The following RNF11 variants were observed in gnomAD, a reference collection of about 807,000 sequenced individuals.
The protein encoded by RNF11 is ring finger protein 11.
RNF11 carries 4 observed loss-of-function variants against 15.8 expected under a neutral mutation model. That is an observed-to-expected ratio of 0.25 (90% CI 0.12 to 0.58). The LOEUF is 0.58. Among genes scored for constraint, RNF11 ranks in the 20% least tolerant of loss-of-function variants. The probability of loss-of-function intolerance (pLI) is 0.91; values close to 1 mark genes in which losing one functional copy is unlikely to be tolerated. For synonymous variants in RNF11, 68 were observed against 72.3 expected (o/e 0.94, Z 0.30); for missense variants, 139 against 194.4 (o/e 0.71, Z 1.70).
At chr1:51,257,572 C>T (rs1471875713) in intron 1 of RNF11, among the ~76,000 whole-genome samples, 1 of 152,124 alleles carries the variant, frequency 6.6e-6, no homozygotes, top group African/African-American at 2.4e-5. Flanking sequence ...TCTTGTGCCT[C>T]AGCCTCTCTC....
chr1:51,249,101 G>A (rs1353280396), intron 1 of RNF11, among the ~76,000 whole-genome samples: 1 of 152,192 alleles, frequency 6.6e-6, no homozygotes, highest in Non-Finnish European at 1.5e-5. Flanking sequence ...GGATTTTGGA[G>A]TCAGTCGGGT....
At chr1:51,250,391 A>C (rs1487498059) in intron 1 of RNF11, among the ~76,000 whole-genome samples, 2 of 152,218 alleles carry the variant, frequency 1.3e-5, no homozygotes, top group African/African-American at 4.8e-5. Context: ...GATCTCTGGA[A>C]TTGTAGATCT....
At chr1:51,242,965 A>G (rs986563807) in intron 1 of RNF11, among the ~76,000 whole-genome samples, 10 of 152,182 alleles carry the variant, frequency 6.6e-5, no homozygotes, top group African/African-American at 2.4e-4. Flanking sequence ...CCCCTTCTTT[A>G]TGCTCAAGAA....
chr1:51,250,152 T>C (rs867438826), intron 1 of RNF11, among the ~76,000 whole-genome samples: 3 of 152,238 alleles, frequency 2.0e-5, no homozygotes, highest in Non-Finnish European at 2.9e-5. Context: ...TGAAACTTTT[T>C]TTAGCTTTGA....
At position 51,255,644 on chromosome 1, in the gene RNF11, G is replaced by A. The variant is rs376086448; in HGVS notation, c.124-14312G>A. Among the ~76,000 whole-genome samples, 12 of 152,302 alleles carry A rather than the reference G, an allele frequency of 7.9e-5. 1 individual carries two copies. Among genetic ancestry groups the A allele is most frequent in the East Asian group, 5.8e-4 (3 of 5,192 alleles). ...GTTTGTCTATTTTTTTCTTTGGGGA[G>A]CTTTTGGTATGTTCAAGGAGGGGGT... On this transcript the variant is annotated intron_variant, in intron 1 of 2. Coordinates refer to ENST00000242719, the MANE Select transcript of RNF11 (RefSeq NM_014372.5).
chr1:51,261,848 C>T lies in RNF11; in HGVS notation c.124-8108C>T, dbSNP rs544175485. ...GACTACAGGCACCTGCCACCACGCT[C>T]AGCCTGTGATAAGATTTTTAAATAA... On this transcript the variant is annotated intron_variant, in intron 1 of 2. Coordinates refer to ENST00000242719, the MANE Select transcript of RNF11 (RefSeq NM_014372.5). Among the ~76,000 whole-genome samples the T allele has an allele frequency of 5.9e-5, 9 of 152,260 alleles. No homozygotes were observed. In the East Asian group the frequency reaches 1.4e-3, roughly 23 times the overall value.
rs139323287 is a variant in RNF11, at chr1:51,252,340, C to T, written c.123+15461C>T. On this transcript the variant is annotated intron_variant, in intron 1 of 2. Transcript: ENST00000242719. ...TTAGGCCATGCATGGGGCATATACC[C>T]GTAATCCTAGGTATATGTCTTGGGA... 2.4e-4 allele frequency among the ~76,000 whole-genome samples: 36 copies of T among 152,106 alleles called. No homozygotes were observed. In the East Asian group the frequency reaches 2.7e-3, roughly 11 times the overall value.
intron 1 of RNF11, among the ~76,000 whole-genome samples, chr1:51,249,523 A>G (rs776722289): frequency 6.6e-6 from 1 of 152,330 alleles, no homozygotes; most frequent in East Asian, 1.9e-4. Context: ...TCCAAAGGTA[A>G]CTGTTGGTCC....
At chr1:51,241,224 G>A (rs893418141) in intron 1 of RNF11, among the ~76,000 whole-genome samples, 2 of 152,156 alleles carry the variant, frequency 1.3e-5, no homozygotes, top group Non-Finnish European at 1.5e-5. Flanking sequence ...AGTAGCTAGG[G>A]TTACAGGTGC....
In RNF11 at chr1:51,251,174, G is replaced by C. The variant is rs565843878; in HGVS notation, c.123+14295G>C. 545 of 1,519,378 alleles carry C rather than the reference G, an allele frequency of 3.6e-4. 4 individuals are homozygous for C. In the African/African-American group the frequency reaches 6.7e-3, roughly 19 times the overall value. The allele number at this position is 1,519,378 out of a possible 1,614,324, so 94.1% of individuals were successfully genotyped here. On this transcript the variant is annotated intron_variant, in intron 1 of 2. Coordinates refer to ENST00000242719, the MANE Select transcript of RNF11 (RefSeq NM_014372.5). ...GCATAATCTTCAAAACCTCATCCTT[G>C]AGAGAGGCCCCCAGGAAAAAGTCAA...
intron 1 of RNF11, among the ~76,000 whole-genome samples, chr1:51,244,310 T>G (rs910284560): frequency 6.6e-6 from 1 of 152,246 alleles, no homozygotes; most frequent in Non-Finnish European, 1.5e-5. Context: ...GTGTTTGGCC[T>G]ATCACTTCTA....
At chr1:51,245,484 CT>C (rs1381347174) in intron 1 of RNF11, among the ~76,000 whole-genome samples, 6 of 151,512 alleles carry the variant, frequency 4.0e-5, no homozygotes, top group Non-Finnish European at 7.4e-5. Context: ...TGGAGTCTTA[CT>C]CCATCGCCCA....
intron 1 of RNF11, among the ~76,000 whole-genome samples, chr1:51,267,419 A>G (rs1646959318): frequency 6.6e-6 from 1 of 152,222 alleles, no homozygotes; most frequent in Admixed American, 6.5e-5. Flanking sequence ...ACTCACATCT[A>G]TGATTTGTTA....
Position 51,270,048 on chromosome 1 carries a change from A to G in RNF11, c.216A>G (p.Gln72=). ...AAGAGGAACAAATTAGGATAGCTCAAAGAATAGGTCTTATACAACATCTGC... is the reference window on the plus strand; with the variant it reads ...AAGAGGAACAAATTAGGATAGCTCAGAGAATAGGTCTTATACAACATCTGC... ...LTEEEQIRIA[Q]RIGLIQHLPK... Residue 72 remains glutamine, a synonymous_variant, in exon 2 of 3, where the codon CAA becomes CAG. Transcript: ENST00000242719. 1 of 1,613,838 alleles carries G rather than the reference A, an allele frequency of 6.2e-7. No individual in the cohort carries two copies. The highest frequency in any genetic ancestry group is 1.3e-5 in the African/African-American group (1 of 75,038).
intron 1 of RNF11, among the ~76,000 whole-genome samples, chr1:51,243,863 A>G (rs1166845842): frequency 6.6e-6 from 1 of 152,194 alleles, no homozygotes; most frequent in African/African-American, 2.4e-5. Flanking sequence ...TACAACCTGT[A>G]TACTCCAGTC....
intron 1 of RNF11, among the ~76,000 whole-genome samples, chr1:51,254,029 C>T (rs1322252382): frequency 6.6e-6 from 1 of 151,606 alleles, no homozygotes; most frequent in Non-Finnish European, 1.5e-5. Flanking sequence ...AAGCTCTACA[C>T]GATCAATCGG....
At chr1:51,267,879 C>G (rs1167843783) in intron 1 of RNF11, among the ~76,000 whole-genome samples, 1 of 152,170 alleles carries the variant, frequency 6.6e-6, no homozygotes, top group Non-Finnish European at 1.5e-5. Flanking sequence ...TACAGGCGTG[C>G]ACCACCACGC....
intron 1 of RNF11, 143 bp downstream of exon 1, chr1:51,237,022 T>A: frequency 1.8e-6 from 2 of 1,108,420 alleles, no homozygotes; most frequent in Non-Finnish European, 2.5e-6. Flanking sequence ...CTGAGGGCAT[T>A]TGCTCTCTGA....
intron 1 of RNF11, among the ~76,000 whole-genome samples, chr1:51,262,715 CTTTTTTTTTTTTT>C (rs35542254): frequency 3.6e-5 from 3 of 84,092 alleles, no homozygotes; most frequent in South Asian, 8.9e-4. Flanking sequence ...GCCTGCTAAT[CTTTTTTTTTTTTT>C]TTTTTTTTTT....
Sources: gnomAD v4.1 joint callset for allele counts (sites outside exome capture counted in the v4.1 genomes callset) on GRCh38, gnomAD v4.1.1 for gene constraint, MANE v1.5 for transcripts, NCBI Gene and HGNC (gene_info 2026-07-23, HGNC 2026-07-21) for gene names.